CCDC102B: variants seen among roughly 807,000 people sequenced by gnomAD.
CCDC102B encodes the protein coiled-coil domain containing 102B.
CCDC102B carries 75 observed loss-of-function variants against 57.4 expected under a neutral mutation model. The ratio of observed to expected loss-of-function variants is 1.31; its 90% CI spans 1.08 to 1.58. The LOEUF is 1.58. Ranked by LOEUF, CCDC102B falls within the 40% of genes most tolerant of loss-of-function variation. CCDC102B has a pLI of 0.00. For synonymous variants in CCDC102B, 206 were observed against 201.9 expected, an observed-to-expected ratio of 1.02 and a Z score of -0.17; for missense variants, 636 against 582.6, an observed-to-expected ratio of 1.09 and a Z score of -0.94.
At chr18:68,856,152 A>G (rs1397615653) in intron 4 of CCDC102B, among the ~76,000 whole-genome samples, 1 of 152,054 alleles carries the variant, frequency 6.6e-6, no homozygotes, top group Non-Finnish European at 1.5e-5. Context: ...AAACATGAAT[A>G]TTTTTCTTTA....
intron 7 of CCDC102B, among the ~76,000 whole-genome samples, chr18:69,044,316 A>G (rs550999421): frequency 6.6e-6 from 1 of 152,178 alleles, no homozygotes; most frequent in Non-Finnish European, 1.5e-5. Context: ...ATTTTGCCAC[A>G]GTAACTTTGG....
chr18:69,006,665 A>G (rs565694072), intron 6 of CCDC102B, among the ~76,000 whole-genome samples: 1 of 147,508 alleles, frequency 6.8e-6, no homozygotes, highest in Admixed American at 6.7e-5. Flanking sequence ...CTGGTCTCAA[A>G]CTCCTGACCT....
At chr18:68,884,307 A>G (rs972616948) in intron 5 of CCDC102B, among the ~76,000 whole-genome samples, 5 of 152,208 alleles carry the variant, frequency 3.3e-5, no homozygotes, top group African/African-American at 1.2e-4. Context: ...TGTGATAAGT[A>G]TATACAATGG....
At chr18:68,814,855 G>T (rs1354071885) in intron 1 of CCDC102B, among the ~76,000 whole-genome samples, 1 of 151,818 alleles carries the variant, frequency 6.6e-6, no homozygotes, top group Non-Finnish European at 1.5e-5. Context: ...ATATTTAAAG[G>T]CCAAACACAA....
chr18:68,939,712 G>T (rs181681735), intron 6 of CCDC102B, among the ~76,000 whole-genome samples: 2,880 of 151,738 alleles, frequency 0.019, 45 homozygotes, highest in Non-Finnish European at 0.027. Flanking sequence ...ATTGTATTTT[G>T]TTTTTGCATT....
chr18:68,821,849 G>A (rs1432044319), intron 1 of CCDC102B, among the ~76,000 whole-genome samples: 1 of 151,926 alleles, frequency 6.6e-6, no homozygotes, highest in Non-Finnish European at 1.5e-5. Context: ...TATAATTGTA[G>A]AGAAAAATAA....
At chr18:69,021,676 G>A (rs1335027931) in intron 7 of CCDC102B, among the ~76,000 whole-genome samples, 2 of 152,084 alleles carry the variant, frequency 1.3e-5, no homozygotes, top group South Asian at 2.1e-4. Flanking sequence ...TTAAATGCTC[G>A]ACAGCTATTT....
chr18:68,909,530 G>A (rs1458810469), intron 6 of CCDC102B, among the ~76,000 whole-genome samples: 1 of 152,012 alleles, frequency 6.6e-6, no homozygotes, highest in Non-Finnish European at 1.5e-5. Flanking sequence ...TGTTAGATGT[G>A]GAAGCATCTC....
At chr18:68,899,796 G>T (rs936587800) in intron 6 of CCDC102B, 6 of 151,890 alleles carry the variant, frequency 4.0e-5, no homozygotes, top group Non-Finnish European at 8.8e-5. Flanking sequence ...TTTACATTTG[G>T]TTTTTTTATT....
intron 6 of CCDC102B, among the ~76,000 whole-genome samples, chr18:68,937,079 TGTC>T (rs2049261166): frequency 6.6e-6 from 1 of 152,048 alleles, no homozygotes; most frequent in Non-Finnish European, 1.5e-5. Context: ...TGTTTAAAGA[TGTC>T]GTATTTAATA....
At chr18:68,995,444 A>T (rs1476805213) in intron 6 of CCDC102B, among the ~76,000 whole-genome samples, 4 of 152,088 alleles carry the variant, frequency 2.6e-5, no homozygotes, top group African/African-American at 9.7e-5. Flanking sequence ...CCAAGCCCAG[A>T]GGCTTGTTGC....
chr18:68,737,490 ATGTGTGTGTGTC>A (rs2033194809), intron 2 of CCDC102B, among the ~76,000 whole-genome samples: 1 of 150,580 alleles, frequency 6.6e-6, no homozygotes, highest in Admixed American at 6.6e-5. Flanking sequence ...TGGTGTGTGT[ATGTGTGTGTGTC>A]TGTGTGTGTG....
At chr18:68,792,342 C>T (rs553636728) in intron 2 of CCDC102B, among the ~76,000 whole-genome samples, 21 of 152,242 alleles carry the variant, frequency 1.4e-4, no homozygotes, top group Non-Finnish European at 2.2e-4. Context: ...CTGCTTTGCT[C>T]GGAGCCTAAG....
chr18:68,776,632 A>G (rs912291882), intron 2 of CCDC102B, among the ~76,000 whole-genome samples: 3 of 152,080 alleles, frequency 2.0e-5, no homozygotes, highest in Non-Finnish European at 4.4e-5. Flanking sequence ...CATGAACACA[A>G]GGGAACAACA....
intron 6 of CCDC102B, among the ~76,000 whole-genome samples, chr18:68,912,388 A>G (rs1395460292): frequency 1.3e-5 from 2 of 152,234 alleles, no homozygotes; most frequent in Non-Finnish European, 2.9e-5. Flanking sequence ...AGTCCAACCC[A>G]GTGGTTCTCA....
intron 2 of CCDC102B, among the ~76,000 whole-genome samples, chr18:68,725,310 G>A (rs1256239095): frequency 1.3e-5 from 2 of 152,106 alleles, no homozygotes; most frequent in Non-Finnish European, 2.9e-5. Context: ...TTCTATTGCT[G>A]CAGTTTAAAG....
intron 2 of CCDC102B, among the ~76,000 whole-genome samples, chr18:68,756,665 C>G (rs1352055600): frequency 6.6e-6 from 1 of 152,046 alleles, no homozygotes; most frequent in Non-Finnish European, 1.5e-5. Flanking sequence ...ATGTGTACAG[C>G]TATACTTGGT....
At chr18:69,041,246 T>C (rs2052426968) in intron 7 of CCDC102B, among the ~76,000 whole-genome samples, 1 of 152,164 alleles carries the variant, frequency 6.6e-6, no homozygotes, top group South Asian at 2.1e-4. Context: ...TTTGCATTAG[T>C]TACATTGAGC....
Position 68,839,471 on chromosome 18 carries a change from T to C in CCDC102B, c.827+545T>C, listed in dbSNP as rs144870718. Among the ~76,000 whole-genome samples, 73 of 152,374 alleles carry C rather than the reference T, an allele frequency of 4.8e-4. No individual in the cohort carries two copies. In the East Asian group the frequency reaches 0.011, roughly 23 times the overall value. On this transcript the variant is annotated intron_variant, in intron 3 of 7. Transcript: ENST00000360242. ...TGTGAAAATAGCTGTAGTGCTGTTATGTTCCAGTTATCTATTATCTTGAAA... is the reference window on the plus strand; with the variant it reads ...TGTGAAAATAGCTGTAGTGCTGTTACGTTCCAGTTATCTATTATCTTGAAA...
Sources: allele counts gnomAD v4.1 joint callset (sites outside exome capture counted in the v4.1 genomes callset), GRCh38; gene constraint gnomAD v4.1.1; transcripts MANE v1.5; gene names NCBI Gene and HGNC (gene_info 2026-07-23, HGNC 2026-07-21).